The following PARD3B variants were observed in gnomAD, a reference collection of about 807,000 sequenced individuals.
PARD3B encodes par-3 family cell polarity regulator beta.
PARD3B carries 103 observed loss-of-function variants against 130.2 expected under a neutral mutation model. That is an observed-to-expected ratio of 0.79 (90% CI 0.67 to 0.93). PARD3B has a LOEUF of 0.93. Among genes scored for constraint, PARD3B ranks in the 40% least tolerant of loss-of-function variants. PARD3B has a pLI of 0.00. For synonymous variants in PARD3B, 583 were observed against 553.2 expected (o/e 1.05, Z -0.76); for missense variants, 1,609 against 1,499.2 (o/e 1.07, Z -1.21).
At chr2:205,544,444 C>T (rs895046823) in intron 21 of PARD3B, among the ~76,000 whole-genome samples, 2 of 152,052 alleles carry the variant, frequency 1.3e-5, no homozygotes, top group South Asian at 2.1e-4. Flanking sequence ...CATACGCACA[C>T]GTGCACATAC....
intron 15 of PARD3B, among the ~76,000 whole-genome samples, chr2:205,220,317 T>C (rs895974613): frequency 1.3e-5 from 2 of 152,162 alleles, no homozygotes; most frequent in Non-Finnish European, 2.9e-5. Context: ...AGGCTCCCTC[T>C]CACACTGAGC....
chr2:204,686,323 A>G, intron 2 of PARD3B, 41 bp downstream of exon 2: 7 of 1,378,328 alleles, frequency 5.1e-6, no homozygotes, highest in Non-Finnish European at 7.2e-6. Flanking sequence ...TTTCCTCTAC[A>G]GAGCTGCATG....
At chr2:204,814,415 A>G (rs1006864763) in intron 2 of PARD3B, among the ~76,000 whole-genome samples, 4 of 151,780 alleles carry the variant, frequency 2.6e-5, no homozygotes, top group Non-Finnish European at 4.4e-5. Context: ...ATAATCTATA[A>G]CATAAACTGT....
intron 20 of PARD3B, among the ~76,000 whole-genome samples, chr2:205,483,482 A>C (rs1047542426): frequency 6.6e-6 from 1 of 152,202 alleles, no homozygotes; most frequent in Non-Finnish European, 1.5e-5. Context: ...TTGCCAGTGA[A>C]AGTCCTAATA....
intron 15 of PARD3B, among the ~76,000 whole-genome samples, chr2:205,208,346 A>G (rs1367317102): frequency 1.6e-5 from 2 of 122,216 alleles, no homozygotes; most frequent in Admixed American, 8.1e-5. Context: ...CCTATTCAAC[A>G]TAGTGTTGGA....
chr2:205,383,291 T>G (rs2045548525), intron 18 of PARD3B, among the ~76,000 whole-genome samples: 1 of 152,078 alleles, frequency 6.6e-6, no homozygotes, highest in Non-Finnish European at 1.5e-5. Flanking sequence ...TATTTGTAAC[T>G]TCTTTCTCAT....
At chr2:205,085,732 C>A (rs567797866) in intron 4 of PARD3B, among the ~76,000 whole-genome samples, 1 of 151,838 alleles carries the variant, frequency 6.6e-6, no homozygotes, top group East Asian at 1.9e-4. Context: ...AAATTATTGG[C>A]CCTAAAACCT....
Position 204,618,912 on chromosome 2 carries a change from T to C in PARD3B, c.121-67269T>C, listed in dbSNP as rs73984254. Among the ~76,000 whole-genome samples the C allele has an allele frequency of 3.4e-3, 520 of 152,324 alleles. 3 individuals are homozygous for C. The highest frequency in any genetic ancestry group is 0.012 in the African/African-American group (500 of 41,574). On this transcript the variant is annotated intron_variant, in intron 1 of 22. Coordinates refer to ENST00000406610, the MANE Select transcript of PARD3B (RefSeq NM_001302769.2). ...TCCTTATGATTTTTCTATCTTATTTTGTTCATTTGGTAGTTACATAATAAA... is the reference window on the plus strand; with the variant it reads ...TCCTTATGATTTTTCTATCTTATTTCGTTCATTTGGTAGTTACATAATAAA...
chr2:204,773,427 ATGT>A (rs1313298395), intron 2 of PARD3B, among the ~76,000 whole-genome samples: 2 of 151,718 alleles, frequency 1.3e-5, no homozygotes, highest in Admixed American at 6.6e-5. Flanking sequence ...GCTGTAACAC[ATGT>A]TGTTTTATAT....
chr2:204,774,997 T>A (rs949032457), intron 2 of PARD3B, among the ~76,000 whole-genome samples: 22 of 152,272 alleles, frequency 1.4e-4, no homozygotes, highest in African/African-American at 5.3e-4. Context: ...GTTCTCTATA[T>A]GTCTAAAAAT....
At position 204,617,514 on chromosome 2, in the gene PARD3B, T is replaced by TA. The variant is rs565873227; in HGVS notation, c.121-68666dup. Among the ~76,000 whole-genome samples the TA allele has an allele frequency of 6.5e-4, 99 of 152,320 alleles. No individual in the cohort carries two copies. In the East Asian group the frequency reaches 0.018, roughly 27 times the overall value. Reference sequence around the variant, plus strand: ...CAAGCCAAGGCAACTAGCATGAATGTACAAGCATGTGGAATGCTTTCCAAC... The same window carrying TA: ...CAAGCCAAGGCAACTAGCATGAATGTAACAAGCATGTGGAATGCTTTCCAAC... On this transcript the variant is annotated intron_variant, in intron 1 of 22. Coordinates refer to ENST00000406610, the MANE Select transcript of PARD3B (RefSeq NM_001302769.2).
In PARD3B at chr2:204,832,228, AAAAC is replaced by A. The variant is rs747167915; in HGVS notation, c.223-132908_223-132905del. ...GCGACTGAGCGAGACTCTGTCTCAA[AAAAC>A]AAACAAACAAACAAAAACAAAAAAA... is the stretch of plus-strand genomic sequence containing the variant. On this transcript the variant is annotated intron_variant, in intron 2 of 22. Coordinates refer to ENST00000406610, the MANE Select transcript of PARD3B (RefSeq NM_001302769.2). 1.9e-3 allele frequency among the ~76,000 whole-genome samples: 292 copies of A among 152,282 alleles called. 2 individuals carry two copies. Among genetic ancestry groups the A allele is most frequent in the African/African-American group, 6.4e-3 (265 of 41,568 alleles).
chr2:205,380,151 T>TTATATAAAGAATATATAA, intron 18 of PARD3B, among the ~76,000 whole-genome samples: 1 of 116,102 alleles, frequency 8.6e-6, no homozygotes, highest in African/African-American at 3.3e-5. Context: ...AGAATATATA[T>TTATATAAAGAATATATAA]TATATAAAGA....
chr2:204,809,399 A>G (rs1262698413), intron 2 of PARD3B, among the ~76,000 whole-genome samples: 1 of 151,934 alleles, frequency 6.6e-6, no homozygotes, highest in Non-Finnish European at 1.5e-5. Context: ...CAGGGTTTTT[A>G]TAGCTTTTGG....
At chr2:205,259,172 G>T (rs1280508902) in intron 16 of PARD3B, among the ~76,000 whole-genome samples, 1 of 151,990 alleles carries the variant, frequency 6.6e-6, no homozygotes, top group African/African-American at 2.4e-5. Context: ...TATTTGTTCA[G>T]ACTTCTCCAA....
intron 18 of PARD3B, chr2:205,348,312 G>C (rs1226511475): frequency 2.0e-5 from 3 of 152,202 alleles, no homozygotes; most frequent in Non-Finnish European, 4.4e-5. Context: ...ACAACAATTA[G>C]AGATGATCTT....
At chr2:205,395,462 T>C (rs980099284) in intron 18 of PARD3B, among the ~76,000 whole-genome samples, 5 of 152,174 alleles carry the variant, frequency 3.3e-5, no homozygotes, top group African/African-American at 7.2e-5. Context: ...TGCTGTTCTT[T>C]CTCTATCTCT....
chr2:205,474,735 G>A (rs79123751), intron 20 of PARD3B, among the ~76,000 whole-genome samples: 15,574 of 152,100 alleles, frequency 0.1, 1,260 homozygotes, highest in African/African-American at 0.23. Flanking sequence ...AAAAATTGAA[G>A]GAAATAATGC....
At chr2:205,192,371 G>A (rs916919654) in intron 14 of PARD3B, among the ~76,000 whole-genome samples, 5 of 152,152 alleles carry the variant, frequency 3.3e-5, no homozygotes, top group Non-Finnish European at 5.9e-5. Context: ...CAATTATAAT[G>A]AGATGAGCCA....
Sources: allele counts gnomAD v4.1 joint callset (sites outside exome capture counted in the v4.1 genomes callset), GRCh38; gene constraint gnomAD v4.1.1; transcripts MANE v1.5; gene names NCBI Gene and HGNC (gene_info 2026-07-23, HGNC 2026-07-21).